The following MS4A4E variants were observed in gnomAD, a reference collection of about 807,000 sequenced individuals.
The protein encoded by MS4A4E is membrane spanning 4-domains A4E.
MS4A4E carries 23 observed loss-of-function variants against 13.3 expected under a neutral mutation model. That is an observed-to-expected ratio of 1.73 (90% CI 1.25 to 2.45). The LOEUF (loss-of-function observed/expected upper bound fraction) is 2.45. Ranked by LOEUF, MS4A4E falls within the 30% of genes most tolerant of loss-of-function variation. The probability of loss-of-function intolerance (pLI) is 0.00; values close to 1 mark genes in which losing one functional copy is unlikely to be tolerated. For synonymous variants in MS4A4E, 36 were observed against 45.6 expected (o/e 0.79, Z 0.85); for missense variants, 144 against 131.2 (o/e 1.10, Z -0.48).
At chr11:60,229,818 A>G (rs2134961859) in intron 2 of MS4A4E, 94 bp downstream of exon 2, 1 of 1,295,862 alleles carries the variant, frequency 7.7e-7, no homozygotes, top group South Asian at 1.4e-5. Flanking sequence ...TTGATGTATT[A>G]TGAGGCTAGC....
chr11:60,241,400 T>G (rs1214143004), intron 1 of MS4A4E, among the ~76,000 whole-genome samples: 3 of 152,214 alleles, frequency 2.0e-5, no homozygotes, highest in Admixed American at 6.5e-5. Context: ...ACATGTTGGG[T>G]CTGTCTTATC....
intron 8 of MS4A4E, among the ~76,000 whole-genome samples, chr11:60,203,780 T>C (rs1336578640): frequency 6.6e-6 from 1 of 152,158 alleles, no homozygotes; most frequent in Non-Finnish European, 1.5e-5. Flanking sequence ...AAAGAATAAC[T>C]ATTTTTCTTG....
At chr11:60,224,915 T>C in intron 3 of MS4A4E, 2 of 1,381,622 alleles carry the variant, frequency 1.4e-6, no homozygotes, top group East Asian at 2.5e-5. Flanking sequence ...TCAGGGTATT[T>C]ACACCTCTAT....
chr11:60,207,912 C>A (rs1337279419), intron 6 of MS4A4E, among the ~76,000 whole-genome samples: 1 of 152,158 alleles, frequency 6.6e-6, no homozygotes, highest in Non-Finnish European at 1.5e-5. Context: ...AGTCTGAGAT[C>A]ATGACATTCC....
chr11:60,200,435 C>A lies in MS4A4E; in HGVS notation c.*1108G>T, dbSNP rs924047351. Among the ~76,000 whole-genome samples, 7 of 152,048 alleles carry A rather than the reference C, an allele frequency of 4.6e-5. No individual in the cohort carries two copies. Among genetic ancestry groups the A allele is most frequent in the Non-Finnish European group, 8.8e-5 (6 of 67,990 alleles). The stretch of plus-strand genomic sequence containing the variant: ...TGGTTTTCCTAGGCAGAGGACCCTG[C>A]GGCCTTCCGAGGTGTTTGTGTCCCT... On this transcript the variant is annotated 3_prime_UTR_variant, in exon 9 of 9. Coordinates refer to ENST00000651255, the MANE Select transcript of MS4A4E (RefSeq NM_001393391.1).
intron 1 of MS4A4E, among the ~76,000 whole-genome samples, chr11:60,239,437 G>A (rs1402179220): frequency 6.6e-6 from 1 of 152,128 alleles, no homozygotes; most frequent in East Asian, 1.9e-4. Context: ...ATGCTAAAGA[G>A]GGGCTTTATT....
intron 1 of MS4A4E, among the ~76,000 whole-genome samples, chr11:60,235,669 T>C (rs2084473899): frequency 1.3e-5 from 2 of 152,226 alleles, no homozygotes; most frequent in Admixed American, 1.3e-4. Flanking sequence ...CGGGACAAGT[T>C]GGTAAATGAT....
At chr11:60,215,774 C>T (rs976742494) in intron 3 of MS4A4E, among the ~76,000 whole-genome samples, 2 of 151,926 alleles carry the variant, frequency 1.3e-5, no homozygotes, top group South Asian at 2.1e-4. Flanking sequence ...GTATGAATAA[C>T]ATATATTGCA....
intron 6 of MS4A4E, among the ~76,000 whole-genome samples, chr11:60,208,228 T>C (rs1335432053): frequency 6.6e-6 from 1 of 152,178 alleles, no homozygotes; most frequent in African/African-American, 2.4e-5. Context: ...TTATTCTGGA[T>C]GGACCTCACC....
At chr11:60,214,720 G>A in intron 3 of MS4A4E, 106 bp from the exon 4 acceptor site, 2 of 565,818 alleles carry the variant, frequency 3.5e-6, no homozygotes, top group South Asian at 6.4e-5. Flanking sequence ...AGATAGATAT[G>A]TATAAACAGG....
At chr11:60,213,864 A>G (rs2084156405) in intron 4 of MS4A4E, among the ~76,000 whole-genome samples, 1 of 151,834 alleles carries the variant, frequency 6.6e-6, no homozygotes, top group Non-Finnish European at 1.5e-5. Context: ...AATTTCTTAT[A>G]TTGAAAATTC....
chr11:60,236,274 G>A (rs1462151154), intron 1 of MS4A4E, among the ~76,000 whole-genome samples: 1 of 152,090 alleles, frequency 6.6e-6, no homozygotes, highest in Non-Finnish European at 1.5e-5. Context: ...AAATTGTTTG[G>A]ACTATTCTGA....
At chr11:60,211,224 ATTTCTAACTG>A (rs2134924858) in intron 5 of MS4A4E, among the ~76,000 whole-genome samples, 2 of 152,364 alleles carry the variant, frequency 1.3e-5, no homozygotes, top group South Asian at 4.1e-4. Flanking sequence ...GCTTTTGCCA[ATTTCTAACTG>A]AGTGACATTG....
intron 1 of MS4A4E, among the ~76,000 whole-genome samples, chr11:60,241,896 G>A (rs1215990415): frequency 6.6e-6 from 1 of 152,048 alleles, no homozygotes; most frequent in Non-Finnish European, 1.5e-5. Context: ...ATAAAGAGGT[G>A]GGGTAACCTA....
intron 1 of MS4A4E, among the ~76,000 whole-genome samples, chr11:60,234,250 T>A (rs2084451837): frequency 6.6e-6 from 1 of 152,202 alleles, no homozygotes; most frequent in Non-Finnish European, 1.5e-5. Context: ...AACTTTAGAC[T>A]TGATGCTAGA....
intron 3 of MS4A4E, among the ~76,000 whole-genome samples, chr11:60,223,297 C>T (rs613629): frequency 0.91 from 138,472 of 152,280 alleles, 63,114 homozygotes; most frequent in Non-Finnish European, 0.94. Flanking sequence ...GACATAAGAC[C>T]TATTAACTTC....
At chr11:60,213,982 G>A (rs2084158357) in intron 4 of MS4A4E, among the ~76,000 whole-genome samples, 4 of 151,692 alleles carry the variant, frequency 2.6e-5, no homozygotes, top group Admixed American at 2.6e-4. Flanking sequence ...TCAGCTCACT[G>A]CAACCTCCGC....
intron 3 of MS4A4E, among the ~76,000 whole-genome samples, chr11:60,221,944 A>G (rs1359054128): frequency 2.0e-5 from 3 of 152,168 alleles, no homozygotes; most frequent in Non-Finnish European, 2.9e-5. Context: ...TCATTGCCCA[A>G]TGAGTCCATG....
chr11:60,214,202 G>T lies in MS4A4E; in HGVS notation c.222+369C>A, dbSNP rs116470872. 7.9e-3 allele frequency among the ~76,000 whole-genome samples: 1,198 copies of T among 152,144 alleles called. 13 individuals carry two copies. The highest frequency in any genetic ancestry group is 0.027 in the African/African-American group (1,140 of 41,502). On this transcript the variant is annotated intron_variant, in intron 4 of 8. Transcript: ENST00000651255. ...ATTACAGGCATGAGCCACCGCGCCC[G>T]GCCAGAATCTACCTTTTAATCAATT...
Sources: gnomAD v4.1 joint callset for allele counts (sites outside exome capture counted in the v4.1 genomes callset) on GRCh38, gnomAD v4.1.1 for gene constraint, MANE v1.5 for transcripts, NCBI Gene and HGNC (gene_info 2026-07-23, HGNC 2026-07-21) for gene names.